Variants in ARID5B observed in about 807,000 individuals in gnomAD.
The protein encoded by ARID5B is AT-rich interaction domain 5B.
Under a neutral mutation model 97.2 loss-of-function variants are expected in ARID5B, and 13 were observed. The ratio of observed to expected loss-of-function variants is 0.13; its 90% CI spans 0.09 to 0.21. ARID5B has a LOEUF of 0.21. Ranked by LOEUF, ARID5B falls within the 10% of genes least tolerant of loss-of-function variation. The pLI, the probability that ARID5B is intolerant of heterozygous loss-of-function variation, is 1.00. For synonymous variants in ARID5B, 556 were observed against 570.3 expected (o/e 0.97, Z 0.36); for missense variants, 1,210 against 1,465.3 (o/e 0.83, Z 2.84).
chr10:61,909,668 G>A (rs1843770075), intron 2 of ARID5B, among the ~76,000 whole-genome samples: 1 of 152,152 alleles, frequency 6.6e-6, no homozygotes. Context: ...TAATTAAAAT[G>A]CCTTCTTGCA....
intron 3 of ARID5B, among the ~76,000 whole-genome samples, chr10:61,946,846 A>G (rs10994980): frequency 0.063 from 9,540 of 152,176 alleles, 382 homozygotes; most frequent in South Asian, 0.12. Context: ...GCTTGAACCC[A>G]GGAGGAGGAG....
At chr10:61,949,364 C>T (rs553636076) in intron 3 of ARID5B, among the ~76,000 whole-genome samples, 8 of 152,168 alleles carry the variant, frequency 5.3e-5, no homozygotes, top group Middle Eastern at 6.8e-3. Context: ...AGGCTGGGCA[C>T]GGTGGCTCAC....
intron 3 of ARID5B, among the ~76,000 whole-genome samples, chr10:61,940,965 ATTTTTTTTTTTTTTTTTTTTT>A (rs869209154): frequency 4.5e-4 from 3 of 6,608 alleles, no homozygotes; most frequent in Non-Finnish European, 9.1e-4. Flanking sequence ...ATATATATAT[ATTTTTTTTTTTTTTTTTTTTT>A]TTTTTTTTTT....
intron 3 of ARID5B, among the ~76,000 whole-genome samples, chr10:61,957,330 G>A (rs1041333574): frequency 1.3e-5 from 2 of 152,138 alleles, no homozygotes; most frequent in Non-Finnish European, 2.9e-5. Flanking sequence ...GTGCAGTGGT[G>A]CGATCTCGGC....
rs755468425 is a variant in ARID5B, at chr10:62,092,885, A to T, written c.3422A>T (p.Tyr1141Phe). Residue 1141 changes from tyrosine (Y) to phenylalanine (F), a missense_variant, in exon 10 of 10, where the codon TAC becomes TTC. Tyr to Phe is a conservative substitution (Grantham distance 22). Coordinates refer to ENST00000279873, the MANE Select transcript of ARID5B (RefSeq NM_032199.3). ...TCACCGACAAATTCTCAGCAGCTGT[A>T]CAGACACTTGGCTGCGGCTACACCT... ...FTSPTNSQQL[Y>F]RHLAAATPVG... 6.2e-7 allele frequency: 1 copy of T among 1,614,140 alleles called. No individual in the cohort carries two copies. Among genetic ancestry groups the T allele is most frequent in the Non-Finnish European group, 8.5e-7 (1 of 1,180,052 alleles).
chr10:61,985,779 AGAG>A (rs940303475), intron 3 of ARID5B, among the ~76,000 whole-genome samples: 6 of 152,178 alleles, frequency 3.9e-5, no homozygotes, highest in African/African-American at 4.8e-5. Flanking sequence ...CGGGATCAAA[AGAG>A]GAGAAGTAAT....
At position 62,050,994 on chromosome 10, in the gene ARID5B, T is replaced by G. The variant is rs754128323; in HGVS notation, c.840T>G (p.Val280=). 14 of 1,613,110 alleles carry G rather than the reference T, an allele frequency of 8.7e-6. No individual in the cohort carries two copies. Among genetic ancestry groups the G allele is most frequent in the Admixed American group, 5.0e-5 (3 of 60,004 alleles). The change falls in exon 5 of 10, where the codon GTT becomes GTG. Residue 280 remains valine (V), a synonymous_variant. Transcript: ENST00000279873. ...DSNNNSDGKA[V]AKVKCEARSA... ...ACAACAATTCCGATGGCAAAGCCGT[T>G]GCCAAGGTACGGTCATTCACTCCAC...
chr10:62,086,709 A>ACAAC (rs1554851218), intron 9 of ARID5B, among the ~76,000 whole-genome samples: 5 of 113,978 alleles, frequency 4.4e-5, no homozygotes, highest in Admixed American at 2.0e-4. Flanking sequence ...AAAAAAAAAA[A>ACAAC]AAATATCAGG....
intron 4 of ARID5B, among the ~76,000 whole-genome samples, chr10:62,014,777 G>A (rs1032337427): frequency 2.6e-5 from 4 of 152,096 alleles, no homozygotes; most frequent in African/African-American, 9.7e-5. Context: ...CTCATAAAAA[G>A]TGCATGCAAA....
At chr10:61,914,401 T>C (rs1589216622) in intron 2 of ARID5B, among the ~76,000 whole-genome samples, 1 of 152,320 alleles carries the variant, frequency 6.6e-6, no homozygotes, top group East Asian at 1.9e-4. Flanking sequence ...GGGGATATAA[T>C]AGTGAACAAT....
chr10:61,988,529 G>A (rs1046808970), intron 3 of ARID5B, among the ~76,000 whole-genome samples: 11 of 152,196 alleles, frequency 7.2e-5, no homozygotes, highest in Admixed American at 5.2e-4. Flanking sequence ...AACTATACTT[G>A]CTAACTTTGG....
chr10:61,939,810 A>G (rs756019894), intron 2 of ARID5B, among the ~76,000 whole-genome samples: 7 of 152,346 alleles, frequency 4.6e-5, no homozygotes, highest in African/African-American at 7.2e-5. Flanking sequence ...ACCATTAGTC[A>G]TCTAGCTTTC....
At chr10:62,059,803 C>T (rs956287855) in intron 7 of ARID5B, among the ~76,000 whole-genome samples, 5 of 152,150 alleles carry the variant, frequency 3.3e-5, no homozygotes, top group Non-Finnish European at 2.9e-5. Context: ...CAAACTTATT[C>T]GGAACAGGCT....
intron 3 of ARID5B, among the ~76,000 whole-genome samples, chr10:61,960,166 T>G (rs1317025789): frequency 6.6e-6 from 1 of 152,170 alleles, no homozygotes; most frequent in Non-Finnish European, 1.5e-5. Context: ...ATATTTTTCT[T>G]TTATATTTTC....
chr10:62,051,170 C>G (rs1447498592), intron 5 of ARID5B, 170 bp downstream of exon 5: 1 of 700,760 alleles, frequency 1.4e-6, no homozygotes, highest in African/African-American at 1.8e-5. Context: ...ACCTCCCTTC[C>G]CCTGGTTGCC....
At chr10:61,964,825 A>G (rs74374134) in intron 3 of ARID5B, among the ~76,000 whole-genome samples, 6 of 152,310 alleles carry the variant, frequency 3.9e-5, no homozygotes, top group African/African-American at 1.2e-4. Context: ...ATTATGTTTT[A>G]AATTTTTCAT....
intron 2 of ARID5B, among the ~76,000 whole-genome samples, chr10:61,927,963 C>A (rs1204606357): frequency 6.6e-6 from 1 of 152,172 alleles, no homozygotes; most frequent in African/African-American, 2.4e-5. Context: ...AACAGAGGCC[C>A]TGGGCACTGT....
Position 61,923,230 on chromosome 10 carries a change from T to C in ARID5B, c.277-16953T>C, listed in dbSNP as rs547437039. ...TGCTGTTCCTCTGCCCACAGTGTCC[T>C]GTGTTCTTCCCCATCTTCCCTCACC... On this transcript the variant is annotated intron_variant, in intron 2 of 9. Transcript: ENST00000279873. 1.8e-4 allele frequency among the ~76,000 whole-genome samples: 28 copies of C among 152,342 alleles called. No individual in the cohort carries two copies. The East Asian group carries it at 3.7e-3, about 20-fold the overall frequency.
chr10:61,982,500 T>TAA (rs375295059), intron 3 of ARID5B, among the ~76,000 whole-genome samples: 3 of 151,990 alleles, frequency 2.0e-5, no homozygotes, highest in African/African-American at 7.3e-5. Context: ...TATTCTGAGT[T>TAA]AAAAAAAATG....
Sources: gnomAD v4.1 joint callset for allele counts (sites outside exome capture counted in the v4.1 genomes callset) on GRCh38, gnomAD v4.1.1 for gene constraint, MANE v1.5 for transcripts, NCBI Gene and HGNC (gene_info 2026-07-23, HGNC 2026-07-21) for gene names.